RNMT: variants seen among roughly 807,000 people sequenced by gnomAD.
The protein encoded by RNMT is mRNA cap guanine-N(7) methyltransferase.
Under a neutral mutation model 56.0 loss-of-function variants are expected in RNMT, and 27 were observed. That is an observed-to-expected ratio of 0.48 (90% CI 0.36 to 0.67). The LOEUF (loss-of-function observed/expected upper bound fraction) is 0.67. RNMT is among the 30% of genes least tolerant of loss of function. The pLI is 0.00. For missense variants in RNMT, 519 were observed against 552.1 expected, an observed-to-expected ratio of 0.94 and a Z score of 0.60; for synonymous variants, 184 against 176.2, an observed-to-expected ratio of 1.04 and a Z score of -0.35.
intron 9 of RNMT, among the ~76,000 whole-genome samples, chr18:13,751,550 A>T (rs1459986393): frequency 6.6e-6 from 1 of 152,200 alleles, no homozygotes; most frequent in Non-Finnish European, 1.5e-5. Context: ...ATTGTGGAAG[A>T]CAATGTGGCG....
Position 13,754,147 on chromosome 18 carries a change from A to G in RNMT, c.1393A>G (p.Ser465Gly), listed in dbSNP as rs929242981. The change falls in exon 11 of 12, where the codon AGT becomes GGT. Residue 465 changes from serine to glycine, a missense_variant and splice_region_variant. Transcript: ENST00000383314. Reference sequence around the variant, plus strand: ...AAGTAAATCAGAATGGGAAGCTACAAGTGAGTATATCATCAGCATAGATTA... The same window carrying G: ...AAGTAAATCAGAATGGGAAGCTACAGGTGAGTATATCATCAGCATAGATTA... ...TLSKSEWEAT[S>G]IYLVFAFEKQ... 9 of 1,563,294 alleles carry G rather than the reference A, an allele frequency of 5.8e-6. No individual in the cohort carries two copies. Among genetic ancestry groups the G allele is most frequent in the Non-Finnish European group, 7.9e-6 (9 of 1,135,718 alleles).
chr18:13,760,508 A>G lies in RNMT; in HGVS notation c.*529A>G. On this transcript the variant is annotated 3_prime_UTR_variant, in exon 12 of 12. Transcript: ENST00000383314. The stretch of plus-strand genomic sequence containing the variant: ...TCAATTTCAGATGCTCATAAAAGTT[A>G]CTTAGCTAAAATTTTAGCAATTTAT... 1.0e-6 allele frequency: 1 copy of G among 985,208 alleles called. No individual in the cohort carries two copies. The highest frequency in any genetic ancestry group is 1.2e-6 in the Non-Finnish European group (1 of 829,292). 61.0% of individuals were successfully genotyped at this position (985,208 alleles called of 1,614,324 possible).
chr18:13,737,241 G>T (rs933377442), intron 5 of RNMT, 106 bp downstream of exon 5: 6 of 1,042,770 alleles, frequency 5.8e-6, no homozygotes, highest in African/African-American at 5.0e-5. Context: ...CATGAGATGG[G>T]TTTTTTTTAA....
At chr18:13,734,203 C>A (rs1242126101) in intron 3 of RNMT, among the ~76,000 whole-genome samples, 1 of 152,168 alleles carries the variant, frequency 6.6e-6, no homozygotes, top group African/African-American at 2.4e-5. Context: ...ACTGTGAGTC[C>A]ATTGAACCTC....
At chr18:13,753,816 TACACACACACAC>T (rs3138630) in intron 10 of RNMT, among the ~76,000 whole-genome samples, 18 of 144,500 alleles carry the variant, frequency 1.2e-4, no homozygotes, top group African/African-American at 3.4e-4. Flanking sequence ...ATTTTCCAGT[TACACACACACAC>T]ACACACACAC....
chr18:13,760,240 G>A lies in RNMT; in HGVS notation c.*261G>A. The A allele has an allele frequency of 8.5e-7, 1 of 1,175,280 alleles. No homozygotes were observed. The highest frequency in any genetic ancestry group is 4.1e-5 in the East Asian group (1 of 24,294). 72.8% of individuals were successfully genotyped at this position (1,175,280 alleles called of 1,614,324 possible). ...TTCTAAGAATTCCATTTGCCTCTAT[G>A]ATCTTAGCTCATAAAAATATAATAT... On this transcript the variant is annotated 3_prime_UTR_variant, in exon 12 of 12. Coordinates refer to ENST00000383314, the MANE Select transcript of RNMT (RefSeq NM_003799.3).
chr18:13,742,668 T>A lies in RNMT; in HGVS notation c.1139+16T>A, dbSNP rs773159765. 1 of 1,571,892 alleles carries A rather than the reference T, an allele frequency of 6.4e-7. No individual in the cohort carries two copies. The highest frequency in any genetic ancestry group is 1.2e-5 in the South Asian group (1 of 85,406). ...TGCTAAATGAGTAAGAAGTCATTAA[T>A]CTGTTCACTCTTTTCTTTTTGTCTT... On this transcript the variant is annotated intron_variant, in intron 8 of 11. Coordinates refer to ENST00000383314, the MANE Select transcript of RNMT (RefSeq NM_003799.3).
At chr18:13,747,766 AC>A (rs992681775) in intron 9 of RNMT, among the ~76,000 whole-genome samples, 46 of 152,294 alleles carry the variant, frequency 3.0e-4, no homozygotes, top group Admixed American at 6.5e-5. Context: ...TATTTCCTAT[AC>A]TTTAGATCTA....
At chr18:13,737,543 G>GA (rs566356705) in intron 5 of RNMT, among the ~76,000 whole-genome samples, 45 of 143,604 alleles carry the variant, frequency 3.1e-4, no homozygotes, top group South Asian at 2.0e-3. Flanking sequence ...ACTCCGTCTC[G>GA]AAAAAAAAAA....
At chr18:13,755,457 C>CT (rs554769007) in intron 11 of RNMT, among the ~76,000 whole-genome samples, 11 of 152,174 alleles carry the variant, frequency 7.2e-5, no homozygotes, top group Non-Finnish European at 1.5e-4. Context: ...GATGAGAAGA[C>CT]TAACAACTTA....
At chr18:13,754,243 A>C (rs2044506092) in intron 11 of RNMT, 96 bp downstream of exon 11, 1 of 749,592 alleles carries the variant, frequency 1.3e-6, no homozygotes, top group African/African-American at 1.8e-5. Context: ...ACTGTGGCTC[A>C]CACCAGTACT....
At chr18:13,746,700 G>A (rs1482498705) in intron 9 of RNMT, among the ~76,000 whole-genome samples, 9 of 152,128 alleles carry the variant, frequency 5.9e-5, no homozygotes, top group African/African-American at 1.4e-4. Flanking sequence ...TAACACTCTT[G>A]TCCCCAGTTA....
Position 13,760,154 on chromosome 18 carries a change from T to G in RNMT, c.*175T>G. 1 of 1,339,824 alleles carries G rather than the reference T, an allele frequency of 7.5e-7. No homozygotes were observed. The highest frequency in any genetic ancestry group is 9.6e-7 in the Non-Finnish European group (1 of 1,046,204). 83.0% of individuals were successfully genotyped at this position (1,339,824 alleles called of 1,614,324 possible). A position where few individuals can be genotyped will look rare whatever the true frequency, so the allele number is the denominator to read the frequency against. ...TTGCTGTCTGTGACAGATGAACTTT[T>G]GCATGTGTATATAAGAATGAGTTGG... On this transcript the variant is annotated 3_prime_UTR_variant, in exon 12 of 12. Transcript: ENST00000383314.
intron 6 of RNMT, 103 bp from the exon 7 acceptor site, chr18:13,741,407 G>A (rs2044248651): frequency 1.2e-5 from 8 of 690,104 alleles, no homozygotes; most frequent in East Asian, 2.7e-5. Flanking sequence ...GAAAGATTGT[G>A]AGGGAAAGGA....
At chr18:13,743,619 C>T (rs1266521876) in intron 8 of RNMT, among the ~76,000 whole-genome samples, 6 of 151,928 alleles carry the variant, frequency 3.9e-5, no homozygotes, top group South Asian at 4.1e-4. Flanking sequence ...AGAGTTTCCC[C>T]GGTGGGGAGA....
At chr18:13,754,430 C>T (rs554995322) in intron 11 of RNMT, among the ~76,000 whole-genome samples, 1 of 152,142 alleles carries the variant, frequency 6.6e-6, no homozygotes, top group African/African-American at 2.4e-5. Context: ...TTCCTTGAGC[C>T]TGAGAAGTCA....
At position 13,740,203 on chromosome 18, in the gene RNMT, G is replaced by C; in HGVS notation, c.716G>C (p.Arg239Pro). The change falls in exon 6 of 12, where the codon CGG (arginine) becomes CCG (proline). Residue 239 changes from arginine (R) to proline (P), a missense_variant. Arg to Pro is a moderately radical substitution (Grantham distance 103, BLOSUM62 -2). Transcript: ENST00000383314. ...GTTTCTGTCAAACAGTGTCAGCAGC[G>C]GTATGAGGACATGAAAAATCGTCGT... ...ADVSVKQCQQRYEDMKNRRDS... is the reference protein window; with the variant it reads ...ADVSVKQCQQPYEDMKNRRDS... 6.2e-7 allele frequency: 1 copy of C among 1,612,734 alleles called. No homozygotes were observed. The highest frequency in any genetic ancestry group is 1.7e-5 in the Admixed American group (1 of 60,002).
In RNMT at chr18:13,761,775, C is replaced by A; in HGVS notation, c.*1796C>A. On this transcript the variant is annotated 3_prime_UTR_variant, in exon 12 of 12. Coordinates refer to ENST00000383314, the MANE Select transcript of RNMT (RefSeq NM_003799.3). ...GAGCCACACCTGCAGGCGCTGTGTTCAGGCACCACCTTCCTCCTTGAGCTT... is the reference window on the plus strand; with the variant it reads ...GAGCCACACCTGCAGGCGCTGTGTTAAGGCACCACCTTCCTCCTTGAGCTT... 4.8e-6 allele frequency: 6 copies of A among 1,242,612 alleles called. No homozygotes were observed. Among genetic ancestry groups the A allele is most frequent in the East Asian group, 4.5e-5 (1 of 22,208 alleles). 77.0% of individuals were successfully genotyped at this position (1,242,612 alleles called of 1,614,324 possible).
chr18:13,732,182 T>C (rs1363661516), intron 3 of RNMT, among the ~76,000 whole-genome samples: 1 of 151,964 alleles, frequency 6.6e-6, no homozygotes, highest in Non-Finnish European at 1.5e-5. Context: ...TTTATCTTAT[T>C]TTAGAATATT....
Sources: allele counts gnomAD v4.1 joint callset (sites outside exome capture counted in the v4.1 genomes callset), GRCh38; gene constraint gnomAD v4.1.1; transcripts MANE v1.5; gene names NCBI Gene and HGNC (gene_info 2026-07-23, HGNC 2026-07-21).